ETV6: variants seen among roughly 807,000 people sequenced by gnomAD.
ETV6 encodes ETS variant transcription factor 6.
A neutral mutation model predicts 51.1 loss-of-function variants in ETV6; 16 were observed. That is an observed-to-expected ratio of 0.31 (90% CI 0.21 to 0.48). The LOEUF (loss-of-function observed/expected upper bound fraction) is 0.48, where lower values mean the gene tolerates loss of function less well. Among genes scored for constraint, ETV6 ranks in the 20% least tolerant of loss-of-function variants. The probability of loss-of-function intolerance (pLI) is 0.99; values close to 1 mark genes in which losing one functional copy is unlikely to be tolerated. For synonymous variants in ETV6, 240 were observed against 224.1 expected, an observed-to-expected ratio of 1.07 and a Z score of -0.64; for missense variants, 458 against 594.8, an observed-to-expected ratio of 0.77 and a Z score of 2.39.
intron 1 of ETV6, among the ~76,000 whole-genome samples, chr12:11,671,685 C>T (rs1217655012): frequency 6.6e-6 from 1 of 152,050 alleles, no homozygotes; most frequent in Non-Finnish European, 1.5e-5. Context: ...GAATTTCAGA[C>T]CAAGGCCCAA....
At chr12:11,845,584 A>G (rs966863171) in intron 3 of ETV6, among the ~76,000 whole-genome samples, 3 of 152,228 alleles carry the variant, frequency 2.0e-5, no homozygotes, top group Non-Finnish European at 4.4e-5. Flanking sequence ...CAAATTTCAA[A>G]TATTTGTTGC....
chr12:11,789,102 T>A (rs565437583), intron 2 of ETV6, among the ~76,000 whole-genome samples: 8 of 152,154 alleles, frequency 5.3e-5, no homozygotes, highest in Admixed American at 5.2e-4. Flanking sequence ...GTGTGATCTC[T>A]GCTCACTGCA....
At chr12:11,777,173 G>C (rs1945339400) in intron 2 of ETV6, among the ~76,000 whole-genome samples, 2 of 147,122 alleles carry the variant, frequency 1.4e-5, no homozygotes, top group African/African-American at 5.0e-5. Context: ...CTGGGAGGCG[G>C]AGCTTGCAGT....
intron 1 of ETV6, among the ~76,000 whole-genome samples, chr12:11,737,431 A>G (rs1246738405): frequency 6.6e-6 from 1 of 152,166 alleles, no homozygotes; most frequent in African/African-American, 2.4e-5. Flanking sequence ...ATTTTTGTTG[A>G]GGTTGTAGGA....
At chr12:11,763,589 T>A (rs1945122632) in intron 2 of ETV6, among the ~76,000 whole-genome samples, 1 of 152,212 alleles carries the variant, frequency 6.6e-6, no homozygotes. Context: ...TAGAGAAAAA[T>A]TTTTGCTTCA....
At chr12:11,675,543 G>A (rs1386905991) in intron 1 of ETV6, among the ~76,000 whole-genome samples, 3 of 152,152 alleles carry the variant, frequency 2.0e-5, no homozygotes, top group African/African-American at 7.2e-5. Flanking sequence ...CAGGTATGGT[G>A]GCTCATGCTT....
intron 2 of ETV6, among the ~76,000 whole-genome samples, chr12:11,794,160 A>G (rs1052053821): frequency 3.3e-5 from 5 of 152,188 alleles, no homozygotes; most frequent in Non-Finnish European, 7.3e-5. Flanking sequence ...AGCCCAGTCG[A>G]TCAATCAGCC....
intron 2 of ETV6, among the ~76,000 whole-genome samples, chr12:11,784,199 G>GT (rs1015929610): frequency 2.6e-5 from 4 of 152,220 alleles, no homozygotes; most frequent in African/African-American, 9.7e-5. Flanking sequence ...GGAGGCCAAG[G>GT]TGGGCGGATC....
chr12:11,829,474 T>C (rs1317461658), intron 2 of ETV6, among the ~76,000 whole-genome samples: 1 of 152,156 alleles, frequency 6.6e-6, no homozygotes, highest in Admixed American at 6.5e-5. Context: ...ACAATTTGAC[T>C]GCGAAACCCA....
intron 3 of ETV6, among the ~76,000 whole-genome samples, chr12:11,843,415 C>T (rs893226318): frequency 1.3e-5 from 2 of 152,208 alleles, no homozygotes; most frequent in Non-Finnish European, 2.9e-5. Context: ...CTTTCTACAC[C>T]TGGCCCTTCA....
intron 1 of ETV6, among the ~76,000 whole-genome samples, chr12:11,735,085 C>CCTTT (rs1555120900): frequency 5.2e-5 from 4 of 76,194 alleles, no homozygotes; most frequent in African/African-American, 2.3e-4. Flanking sequence ...GGCAAGGTGG[C>CCTTT]CTTTTTTTTT....
At chr12:11,743,460 TG>T (rs1865848058) in intron 1 of ETV6, among the ~76,000 whole-genome samples, 3 of 152,246 alleles carry the variant, frequency 2.0e-5, no homozygotes, top group South Asian at 2.1e-4. Context: ...TCCTTACAGA[TG>T]GGGGTGAGGG....
At chr12:11,868,079 TC>T (rs2136535359) in intron 4 of ETV6, among the ~76,000 whole-genome samples, 1 of 152,338 alleles carries the variant, frequency 6.6e-6, no homozygotes, top group East Asian at 1.9e-4. Flanking sequence ...TCCTGCTTCT[TC>T]CTTACTTCTG....
intron 2 of ETV6, among the ~76,000 whole-genome samples, chr12:11,810,730 C>A (rs76087264): frequency 2.0e-5 from 3 of 152,212 alleles, no homozygotes; most frequent in African/African-American, 7.2e-5. Context: ...ATAATAACTA[C>A]ACCTTCTGAA....
At chr12:11,678,293 A>T (rs1864459253) in intron 1 of ETV6, among the ~76,000 whole-genome samples, 1 of 152,190 alleles carries the variant, frequency 6.6e-6, no homozygotes, top group Non-Finnish European at 1.5e-5. Flanking sequence ...ATGGATGCTG[A>T]TCAACTGCCC....
At chr12:11,747,579 CTATT>C (rs1287345680) in intron 1 of ETV6, among the ~76,000 whole-genome samples, 1 of 152,110 alleles carries the variant, frequency 6.6e-6, no homozygotes, top group Non-Finnish European at 1.5e-5. Context: ...TGTACAATGT[CTATT>C]TAGAAAAGAA....
intron 1 of ETV6, among the ~76,000 whole-genome samples, chr12:11,703,258 A>C (rs1865015494): frequency 6.6e-6 from 1 of 150,646 alleles, no homozygotes; most frequent in Non-Finnish European, 1.5e-5. Flanking sequence ...AAATATACTA[A>C]AAATAATGAG....
chr12:11,851,984 A>C (rs528928658), intron 3 of ETV6, among the ~76,000 whole-genome samples: 1 of 152,336 alleles, frequency 6.6e-6, no homozygotes, highest in Non-Finnish European at 1.5e-5. Context: ...TTGGTAATTA[A>C]AATGTTTGTT....
chr12:11,798,329 A>G (rs184400588), intron 2 of ETV6, among the ~76,000 whole-genome samples: 6 of 152,308 alleles, frequency 3.9e-5, no homozygotes, highest in Admixed American at 1.3e-4. Context: ...ATTTTAGGAA[A>G]GTGATGTGCT....
Sources: gnomAD v4.1 joint callset for allele counts (sites outside exome capture counted in the v4.1 genomes callset) on GRCh38, gnomAD v4.1.1 for gene constraint, MANE v1.5 for transcripts, NCBI Gene and HGNC (gene_info 2026-07-23, HGNC 2026-07-21) for gene names.